EPHA6: variants seen among roughly 807,000 people sequenced by gnomAD.
EPHA6 encodes the protein EPH receptor A6.
A neutral mutation model predicts 112.0 loss-of-function variants in EPHA6; 50 were observed. The ratio of observed to expected loss-of-function variants is 0.45; its 90% confidence interval spans 0.36 to 0.56. The LOEUF is 0.56. EPHA6 is among the 20% of genes least tolerant of loss of function. The pLI is 0.00. For missense variants in EPHA6, 1,280 were observed against 1,417.4 expected (o/e 0.90, Z 1.56); for synonymous variants, 529 against 490.7 (o/e 1.08, Z -1.03).
Position 97,448,680 on chromosome 3 carries a change from C to A in EPHA6, c.1844C>A (p.Thr615Lys), listed in dbSNP as rs566330411. The change falls in exon 7 of 18, where the codon ACA becomes AAA. Residue 615 changes from threonine (T) to lysine (K), a missense_variant. By Grantham distance (78) the Thr-to-Lys change is moderately conservative. Transcript: ENST00000389672. ...TTTCACATCCGAGTGAGAACTGCGA[C>A]AGGATACAGTGGCTACAGTCAGAAA... ...YVFHIRVRTA[T>K]GYSGYSQKFE... is the part of the protein sequence containing the mutation. The A allele has an allele frequency of 6.2e-7, 1 of 1,613,490 alleles. No homozygotes were observed. Among genetic ancestry groups the A allele is most frequent in the Admixed American group, 1.7e-5 (1 of 59,982 alleles).
chr3:97,613,848 C>T (rs539448617), intron 13 of EPHA6, among the ~76,000 whole-genome samples: 178 of 152,302 alleles, frequency 1.2e-3, no homozygotes, highest in African/African-American at 4.0e-3. Context: ...TTAATTCACA[C>T]TAATGTATTT....
At chr3:97,145,058 ATT>A (rs1464156545) in intron 3 of EPHA6, among the ~76,000 whole-genome samples, 4 of 151,544 alleles carry the variant, frequency 2.6e-5, no homozygotes, top group Non-Finnish European at 4.4e-5. Context: ...GAATATAAGT[ATT>A]TAAACTCTTT....
intron 3 of EPHA6, among the ~76,000 whole-genome samples, chr3:97,203,503 T>C (rs530335046): frequency 6.6e-6 from 1 of 152,192 alleles, no homozygotes; most frequent in African/African-American, 2.4e-5. Context: ...GTGTAGTGCC[T>C]CTGCTACAGA....
intron 14 of EPHA6, among the ~76,000 whole-genome samples, chr3:97,701,185 C>A (rs138445400): frequency 6.6e-6 from 1 of 152,192 alleles, no homozygotes; most frequent in African/African-American, 2.4e-5. Flanking sequence ...TAGAGGAGGA[C>A]AAATGTCCAT....
At chr3:97,086,397 C>T (rs557094803) in intron 3 of EPHA6, among the ~76,000 whole-genome samples, 21 of 151,884 alleles carry the variant, frequency 1.4e-4, no homozygotes, top group Middle Eastern at 3.4e-3. Flanking sequence ...TTACCTTTAC[C>T]GGACTTACAT....
At chr3:97,269,861 A>G (rs977763896) in intron 5 of EPHA6, among the ~76,000 whole-genome samples, 12 of 152,232 alleles carry the variant, frequency 7.9e-5, no homozygotes, top group Non-Finnish European at 1.5e-4. Context: ...CAAGAAAAAA[A>G]TGGCAAATAA....
At chr3:97,532,659 A>AT (rs1373895393) in intron 11 of EPHA6, 116 bp downstream of exon 11, 57 of 828,148 alleles carry the variant, frequency 6.9e-5, no homozygotes, top group Non-Finnish European at 1.0e-4. Context: ...CTTAGTTCAG[A>AT]TATCATCACC....
intron 5 of EPHA6, among the ~76,000 whole-genome samples, chr3:97,349,124 A>T (rs2083677256): frequency 6.6e-6 from 1 of 152,150 alleles, no homozygotes; most frequent in East Asian, 1.9e-4. Flanking sequence ...CTTAAAATTT[A>T]TCTGGTATCA....
chr3:97,637,099 A>C (rs2093952547), intron 13 of EPHA6, among the ~76,000 whole-genome samples: 1 of 152,124 alleles, frequency 6.6e-6, no homozygotes, highest in Non-Finnish European at 1.5e-5. Flanking sequence ...TTAACTCTTT[A>C]AAATGAAAAC....
At chr3:97,018,426 T>C (rs2044338677) in intron 3 of EPHA6, among the ~76,000 whole-genome samples, 1 of 152,044 alleles carries the variant, frequency 6.6e-6, no homozygotes, top group Admixed American at 6.6e-5. Context: ...GCTGCACTGA[T>C]ATTTATTGGA....
intron 2 of EPHA6, among the ~76,000 whole-genome samples, chr3:96,936,508 A>G (rs915863273): frequency 6.6e-6 from 1 of 151,838 alleles, no homozygotes; most frequent in African/African-American, 2.4e-5. Flanking sequence ...CTGGCAGTGG[A>G]TAATTTCTGT....
intron 2 of EPHA6, among the ~76,000 whole-genome samples, chr3:96,880,773 G>T (rs1310635364): frequency 1.3e-5 from 2 of 151,922 alleles, no homozygotes; most frequent in Non-Finnish European, 2.9e-5. Flanking sequence ...CATATAAATT[G>T]AATCGAACAA....
chr3:97,041,157 A>G (rs1452024212), intron 3 of EPHA6, among the ~76,000 whole-genome samples: 1 of 152,150 alleles, frequency 6.6e-6, no homozygotes, highest in South Asian at 2.1e-4. Context: ...AACGAAATCA[A>G]TTATTCCAAC....
At chr3:97,481,363 C>G (rs1255684043) in intron 9 of EPHA6, 1 of 1,544,762 alleles carries the variant, frequency 6.5e-7, no homozygotes. Context: ...CATAGCTATT[C>G]TGAGAAGGAG....
intron 13 of EPHA6, among the ~76,000 whole-genome samples, chr3:97,620,703 C>T (rs1434547559): frequency 6.6e-6 from 1 of 151,960 alleles, no homozygotes; most frequent in African/African-American, 2.4e-5. Context: ...CAAATCAAAA[C>T]CACAATGAGT....
intron 13 of EPHA6, among the ~76,000 whole-genome samples, chr3:97,637,233 A>G (rs1023205538): frequency 2.0e-5 from 3 of 152,124 alleles, no homozygotes; most frequent in African/African-American, 7.2e-5. Flanking sequence ...CAGGAGCTAA[A>G]ATTGTCTCAT....
intron 3 of EPHA6, among the ~76,000 whole-genome samples, chr3:97,185,417 AC>A (rs1343244483): frequency 6.6e-6 from 1 of 152,180 alleles, no homozygotes; most frequent in Non-Finnish European, 1.5e-5. Context: ...ATATGAACAG[AC>A]ACTTCTCAAA....
At chr3:97,741,840 C>CA (rs764332176) in intron 16 of EPHA6, among the ~76,000 whole-genome samples, 12 of 151,950 alleles carry the variant, frequency 7.9e-5, no homozygotes, top group Non-Finnish European at 1.6e-4. Flanking sequence ...TATTAAAATT[C>CA]AAAAAACAAT....
intron 5 of EPHA6, among the ~76,000 whole-genome samples, chr3:97,339,246 G>A (rs929917190): frequency 2.0e-5 from 3 of 152,180 alleles, no homozygotes; most frequent in African/African-American, 7.2e-5. Context: ...ATACAGGTAT[G>A]CAGGACATAT....
Sources: gnomAD v4.1 joint callset for allele counts (sites outside exome capture counted in the v4.1 genomes callset) on GRCh38, gnomAD v4.1.1 for gene constraint, MANE v1.5 for transcripts, NCBI Gene and HGNC (gene_info 2026-07-23, HGNC 2026-07-21) for gene names.